Variants in DAB1 observed in about 807,000 individuals in gnomAD.
DAB1 encodes DAB adaptor protein 1.
A neutral mutation model predicts 64.6 loss-of-function variants in DAB1; 15 were observed. The ratio of observed to expected loss-of-function variants is 0.23; its 90% CI spans 0.16 to 0.36. The LOEUF (loss-of-function observed/expected upper bound fraction) is 0.36. Ranked by LOEUF, DAB1 falls within the 10% of genes least tolerant of loss-of-function variation. The pLI is 1.00. For missense variants in DAB1, 596 were observed against 706.7 expected (o/e 0.84, Z 1.78); for synonymous variants, 235 against 251.9 (o/e 0.93, Z 0.64).
chr1:57,718,821 G>T (rs1460266962), intron 6 of DAB1, among the ~76,000 whole-genome samples: 1 of 152,084 alleles, frequency 6.6e-6, no homozygotes, highest in Non-Finnish European at 1.5e-5. Context: ...TAACACCAGG[G>T]TGAAAATAAT....
chr1:58,169,612 C>A (rs1656051115), intron 4 of DAB1, among the ~76,000 whole-genome samples: 1 of 152,122 alleles, frequency 6.6e-6, no homozygotes, highest in Non-Finnish European at 1.5e-5. Context: ...CAGTGAAATA[C>A]CTTATGTCCA....
chr1:57,564,942 C>T (rs914931401), intron 7 of DAB1, among the ~76,000 whole-genome samples: 1 of 151,992 alleles, frequency 6.6e-6, no homozygotes, highest in Non-Finnish European at 1.5e-5. Flanking sequence ...AGATACTCCT[C>T]GAGAAGAGCA....
rs116196345 is a variant in DAB1 at position 58,092,955 on chromosome 1, A to C, written n.387+57556T>G. On this transcript the variant is annotated intron_variant and non_coding_transcript_variant, in intron 5 of 20. Transcript: ENST00000485760. ...GCCAGAGTAACGTTTGCATAATACAAATACAATTACATATTGTCTCTATTT... is the reference window on the plus strand; with the variant it reads ...GCCAGAGTAACGTTTGCATAATACACATACAATTACATATTGTCTCTATTT... Among the ~76,000 whole-genome samples, 1,362 of 152,302 alleles carry C rather than the reference A, an allele frequency of 8.9e-3. 26 individuals are homozygous for C. The highest frequency in any genetic ancestry group is 0.029 in the African/African-American group (1,208 of 41,560).
At chr1:58,466,848 C>A (rs774737471) in intron 3 of DAB1, among the ~76,000 whole-genome samples, 12 of 152,174 alleles carry the variant, frequency 7.9e-5, no homozygotes, top group Non-Finnish European at 1.5e-4. Context: ...TAAGCCCCCA[C>A]TAGTTGGGGG....
intron 5 of DAB1, among the ~76,000 whole-genome samples, chr1:58,125,476 T>G (rs954163348): frequency 6.6e-6 from 1 of 151,556 alleles, no homozygotes; most frequent in Non-Finnish European, 1.5e-5. Context: ...GATCTCCCTG[T>G]GTCACCCAGG....
chr1:58,402,717 A>G (rs1447841323), intron 3 of DAB1, among the ~76,000 whole-genome samples: 3 of 152,152 alleles, frequency 2.0e-5, no homozygotes, highest in Non-Finnish European at 4.4e-5. Context: ...GCGTTTATTT[A>G]TGGAGTTAGT....
At chr1:57,291,194 G>T in intron 1 of DAB1, 28 bp from the exon 2 acceptor site, 2 of 459,736 alleles carry the variant, frequency 4.4e-6, no homozygotes, top group South Asian at 5.2e-5. Flanking sequence ...AGAACATTCA[G>T]AATCATCACT....
chr1:58,526,163 T>C (rs768351662), intron 2 of DAB1, among the ~76,000 whole-genome samples: 1 of 152,128 alleles, frequency 6.6e-6, no homozygotes, highest in Non-Finnish European at 1.5e-5. Flanking sequence ...CTGGAGTACA[T>C]GAAAATTAGG....
chr1:58,066,274 AC>A (rs987281337), intron 5 of DAB1, among the ~76,000 whole-genome samples: 2 of 152,238 alleles, frequency 1.3e-5, no homozygotes, highest in Admixed American at 1.3e-4. Flanking sequence ...CCAGTGTTAA[AC>A]ACACCAGCCA....
intron 4 of DAB1, among the ~76,000 whole-genome samples, chr1:58,290,432 A>T (rs906435662): frequency 2.0e-5 from 3 of 152,176 alleles, no homozygotes; most frequent in Admixed American, 6.5e-5. Flanking sequence ...AAATTTTTTC[A>T]TATTATTAAA....
At chr1:58,113,031 C>T (rs1652071793) in intron 5 of DAB1, among the ~76,000 whole-genome samples, 1 of 152,170 alleles carries the variant, frequency 6.6e-6, no homozygotes, top group Non-Finnish European at 1.5e-5. Flanking sequence ...GAGTAAGACA[C>T]ATATGTTTTC....
intron 2 of DAB1, among the ~76,000 whole-genome samples, chr1:57,239,323 G>A (rs926540891): frequency 3.3e-5 from 5 of 152,190 alleles, no homozygotes; most frequent in African/African-American, 1.2e-4. Flanking sequence ...ACTTACTGCT[G>A]TACACAGTAA....
chr1:58,379,044 A>G (rs1269507840), intron 3 of DAB1, among the ~76,000 whole-genome samples: 3 of 150,794 alleles, frequency 2.0e-5, no homozygotes, highest in African/African-American at 7.4e-5. Context: ...CGGCTCGCGC[A>G]TGGTGCGCGC....
chr1:57,609,022 C>T (rs963162499), intron 7 of DAB1, among the ~76,000 whole-genome samples: 1 of 152,158 alleles, frequency 6.6e-6, no homozygotes, highest in African/African-American at 2.4e-5. Context: ...ATTTGAATGC[C>T]TGGGTGTGCC....
At chr1:58,468,304 T>C (rs1488650945) in intron 3 of DAB1, 1 of 152,262 alleles carries the variant, frequency 6.6e-6, no homozygotes, top group Non-Finnish European at 1.5e-5. Context: ...TTTAAAACTT[T>C]GTATAAATGT....
intron 2 of DAB1, among the ~76,000 whole-genome samples, chr1:57,176,970 T>TAAAAAAAAAAAAAAAAAAAAAA (rs146465598): frequency 1.6e-5 from 1 of 61,038 alleles, no homozygotes; most frequent in Non-Finnish European, 4.6e-5. Flanking sequence ...CAGCAGCAGA[T>TAAAAAAAAAAAAAAAAAAAAAA]ATAAAAAAAA....
chr1:57,644,651 GA>G (rs932692423), intron 7 of DAB1, among the ~76,000 whole-genome samples: 12 of 150,946 alleles, frequency 7.9e-5, no homozygotes, highest in Non-Finnish European at 1.3e-4. Context: ...TTTCACTAAT[GA>G]AAAAATGAAT....
intron 4 of DAB1, among the ~76,000 whole-genome samples, chr1:58,230,538 G>T (rs966987620): frequency 1.3e-5 from 2 of 152,142 alleles, no homozygotes; most frequent in African/African-American, 4.8e-5. Context: ...ACAGTCAGCT[G>T]GCTTGACCAC....
chr1:57,641,392 T>TTTTTTG (rs1646128059), intron 7 of DAB1, among the ~76,000 whole-genome samples: 1 of 142,504 alleles, frequency 7.0e-6, no homozygotes, highest in African/African-American at 2.6e-5. Flanking sequence ...TTTTTTTTTT[T>TTTTTTG]TTTTTTTTTG....
Sources: allele counts gnomAD v4.1 joint callset (sites outside exome capture counted in the v4.1 genomes callset), GRCh38; gene constraint gnomAD v4.1.1; transcripts MANE v1.5; gene names NCBI Gene and HGNC (gene_info 2026-07-23, HGNC 2026-07-21).